ASH1L: variants seen among roughly 807,000 people sequenced by gnomAD.
ASH1L encodes ASH1 like histone lysine methyltransferase.
ASH1L carries 23 observed loss-of-function variants against 269.0 expected under a neutral mutation model. That is an observed-to-expected ratio of 0.09 (90% confidence interval 0.06 to 0.12). ASH1L has a LOEUF of 0.12. Among genes scored for constraint, ASH1L ranks in the 10% least tolerant of loss-of-function variants. ASH1L has a pLI of 1.00. For synonymous variants in ASH1L, 1,187 were observed against 1,253.5 expected (o/e 0.95, Z 1.12); for missense variants, 2,912 against 3,567.8 (o/e 0.82, Z 4.68).
intron 6 of ASH1L, among the ~76,000 whole-genome samples, chr1:155,411,586 A>AATAAATAAATAAATAAATATATAT (rs1297131961): frequency 2.0e-4 from 11 of 55,170 alleles, no homozygotes; most frequent in Admixed American, 1.0e-3. Context: ...TAAATAAATA[A>AATAAATAAATAAATAAATATATAT]ATATATATAT....
At chr1:155,484,369 A>C (rs1425954571) in intron 2 of ASH1L, among the ~76,000 whole-genome samples, 1 of 151,884 alleles carries the variant, frequency 6.6e-6, no homozygotes, top group Non-Finnish European at 1.5e-5. Context: ...CGTGCCTGTT[A>C]TCTCAGCTAC....
intron 5 of ASH1L, among the ~76,000 whole-genome samples, chr1:155,431,591 T>C (rs1661605690): frequency 6.6e-6 from 1 of 151,874 alleles, no homozygotes; most frequent in South Asian, 2.1e-4. Flanking sequence ...TGAGACCCCA[T>C]CTCTACAAAA....
At chr1:155,443,636 G>C (rs1662770645) in intron 4 of ASH1L, among the ~76,000 whole-genome samples, 1 of 152,094 alleles carries the variant, frequency 6.6e-6, no homozygotes, top group Non-Finnish European at 1.5e-5. Context: ...CAACTGATCT[G>C]CTTCCTGTTA....
chr1:155,380,020 C>G (rs752662973), intron 8 of ASH1L, 23 bp downstream of exon 8: 10 of 1,561,492 alleles, frequency 6.4e-6, no homozygotes, highest in Non-Finnish European at 7.9e-6. Flanking sequence ...AGAATGAAAC[C>G]TGGTAAAACA....
chr1:155,487,630 T>A (rs988340926), intron 2 of ASH1L, among the ~76,000 whole-genome samples: 2 of 152,086 alleles, frequency 1.3e-5, no homozygotes, highest in Non-Finnish European at 2.9e-5. Flanking sequence ...CAAGTGATTT[T>A]CCCTCAGCTT....
chr1:155,352,292 C>T (rs1245869157), intron 17 of ASH1L, among the ~76,000 whole-genome samples: 1 of 98,072 alleles, frequency 1.0e-5, no homozygotes, highest in African/African-American at 4.1e-5. Flanking sequence ...GCGAGACCTC[C>T]ATCTCAAAAA....
At chr1:155,421,784 G>A (rs965567917) in intron 5 of ASH1L, among the ~76,000 whole-genome samples, 13 of 151,998 alleles carry the variant, frequency 8.6e-5, no homozygotes, top group East Asian at 1.9e-4. Flanking sequence ...GTAGAACAAC[G>A]TAATAGAGTG....
intron 4 of ASH1L, among the ~76,000 whole-genome samples, chr1:155,452,824 T>G (rs1663587987): frequency 6.6e-6 from 1 of 152,204 alleles, no homozygotes; most frequent in African/African-American, 2.4e-5. Flanking sequence ...CCCAATGTGC[T>G]GGGATAACAG....
At chr1:155,548,201 G>A (rs778115361) in intron 1 of ASH1L, among the ~76,000 whole-genome samples, 10 of 152,124 alleles carry the variant, frequency 6.6e-5, no homozygotes, top group Non-Finnish European at 7.3e-5. Flanking sequence ...ACCTGAGGAC[G>A]AGTAACTAAC....
chr1:155,511,527 CTTGT>C (rs1327860701), intron 2 of ASH1L, among the ~76,000 whole-genome samples: 5 of 152,156 alleles, frequency 3.3e-5, no homozygotes, highest in African/African-American at 7.2e-5. Context: ...AAGACTGTTT[CTTGT>C]TTGTTTGTTT....
chr1:155,365,372 ATTTTT>A lies in ASH1L; in HGVS notation c.6687-4968_6687-4964del, dbSNP rs142145021. Among the ~76,000 whole-genome samples the A allele has an allele frequency of 1.3e-3, 167 of 124,222 alleles. 1 individual carries two copies. Among genetic ancestry groups the A allele is most frequent in the East Asian group, 8.6e-3 (39 of 4,510 alleles). 81.5% of individuals were successfully genotyped at this position (124,222 alleles called of 152,430 possible). The stretch of plus-strand genomic sequence containing the variant: ...AGGTGTATGCCACTATGCCCGGCTG[ATTTTT>A]TTTTTTTTTTTTTTTTTGTATTTTT... On this transcript the variant is annotated intron_variant, in intron 12 of 27. Transcript: ENST00000392403.
intron 4 of ASH1L, among the ~76,000 whole-genome samples, chr1:155,444,011 T>C (rs977051440): frequency 7.6e-6 from 1 of 131,052 alleles, no homozygotes; most frequent in Non-Finnish European, 1.5e-5. Context: ...TGCGACGGAG[T>C]CTCGCTCTGT....
At chr1:155,504,136 G>T (rs1667672244) in intron 2 of ASH1L, among the ~76,000 whole-genome samples, 1 of 152,134 alleles carries the variant, frequency 6.6e-6, no homozygotes, top group South Asian at 2.1e-4. Context: ...CAACTGTTTA[G>T]TTTGGGATAT....
chr1:155,426,811 G>C (rs1571184374), intron 5 of ASH1L, among the ~76,000 whole-genome samples: 1 of 152,154 alleles, frequency 6.6e-6, no homozygotes, highest in East Asian at 1.9e-4. Flanking sequence ...TCATCTGTGA[G>C]TTTAAGTATC....
chr1:155,356,934 T>TA (rs34364477), intron 15 of ASH1L, among the ~76,000 whole-genome samples: 49,469 of 141,298 alleles, frequency 0.35, 9,123 homozygotes, highest in East Asian at 0.71. Context: ...ACAAAAAATT[T>TA]AAAAAAAAAA....
chr1:155,382,115 G>A (rs1210129458), intron 7 of ASH1L, among the ~76,000 whole-genome samples: 2 of 151,936 alleles, frequency 1.3e-5, no homozygotes, highest in African/African-American at 4.8e-5. Context: ...GCTGAGGCAG[G>A]AGAATTGTTT....
At chr1:155,513,102 T>C (rs1039197706) in intron 2 of ASH1L, among the ~76,000 whole-genome samples, 1 of 152,028 alleles carries the variant, frequency 6.6e-6, no homozygotes, top group African/African-American at 2.4e-5. Context: ...ATTATAAATA[T>C]AATGAGTAAC....
At chr1:155,468,759 A>T (rs1219269716) in intron 3 of ASH1L, among the ~76,000 whole-genome samples, 1 of 152,188 alleles carries the variant, frequency 6.6e-6, no homozygotes, top group Non-Finnish European at 1.5e-5. Flanking sequence ...AATCTACCTT[A>T]AATTTATATA....
chr1:155,391,539 C>T (rs190099442), intron 7 of ASH1L, among the ~76,000 whole-genome samples: 2 of 152,188 alleles, frequency 1.3e-5, no homozygotes, highest in Admixed American at 6.6e-5. Context: ...GTGTTGACTG[C>T]CTTCTCTCTT....
Sources: allele counts gnomAD v4.1 joint callset (sites outside exome capture counted in the v4.1 genomes callset), GRCh38; gene constraint gnomAD v4.1.1; transcripts MANE v1.5; gene names NCBI Gene and HGNC (gene_info 2026-07-23, HGNC 2026-07-21).